Variants in PCDHA12 observed in about 807,000 individuals in gnomAD.
The protein encoded by PCDHA12 is protocadherin alpha 12, also known as protocadherin alpha-12.
In PCDHA12, 44 loss-of-function variants were observed where a neutral mutation model predicts 60.0. The ratio of observed to expected loss-of-function variants is 0.73; its 90% CI spans 0.58 to 0.94. The LOEUF (loss-of-function observed/expected upper bound fraction) is 0.94, where lower values mean the gene tolerates loss of function less well. Among genes scored for constraint, PCDHA12 ranks in the 40% least tolerant of loss-of-function variants. The pLI, the probability that PCDHA12 is intolerant of heterozygous loss-of-function variation, is 0.00. For missense variants in PCDHA12, 1,276 were observed against 1,239.7 expected (o/e 1.03, Z -0.44); for synonymous variants, 569 against 553.0 (o/e 1.03, Z -0.40).
At position 140,875,654 on chromosome 5, in the gene PCDHA12, C is replaced by G; in HGVS notation, c.182C>G (p.Pro61Arg). The G allele has an allele frequency of 1.2e-6, 2 of 1,613,702 alleles. No homozygotes were observed. Among genetic ancestry groups the G allele is most frequent in the Non-Finnish European group, 8.5e-7 (1 of 1,179,998 alleles). ...GGGCTGGAGCTGGCGGAGCTGGTGC[C>G]GCGCCTGTTCCGGGTGGCGTCCAAA... is the stretch of plus-strand genomic sequence containing the variant. ...DLGLELAELVPRLFRVASKRH... is the reference protein window; with the variant it reads ...DLGLELAELVRRLFRVASKRH... Residue 61 changes from proline to arginine, a missense_variant, in exon 1 of 4, where the codon CCG (proline) becomes CGG (arginine). Coordinates refer to ENST00000398631, the MANE Select transcript of PCDHA12 (RefSeq NM_018903.4).
At chr5:140,886,107 G>T (rs1340579685) in intron 1 of PCDHA12, among the ~76,000 whole-genome samples, 2 of 152,142 alleles carry the variant, frequency 1.3e-5, no homozygotes, top group Non-Finnish European at 2.9e-5. Flanking sequence ...ATACAGTAAA[G>T]AAGTAACATA....
At chr5:140,966,997 G>A in intron 1 of PCDHA12, 3 of 1,604,812 alleles carry the variant, frequency 1.9e-6, no homozygotes, top group Non-Finnish European at 2.5e-6. Flanking sequence ...CGGGTTGCTT[G>A]CGCATCAACC....
At chr5:140,899,269 A>C (rs1301807291) in intron 1 of PCDHA12, among the ~76,000 whole-genome samples, 2 of 152,260 alleles carry the variant, frequency 1.3e-5, no homozygotes, top group East Asian at 3.9e-4. Context: ...GTCTTGTGGC[A>C]GTTTTCAAAG....
At chr5:140,936,604 G>A (rs1186463181) in intron 1 of PCDHA12, among the ~76,000 whole-genome samples, 4 of 152,116 alleles carry the variant, frequency 2.6e-5, no homozygotes, top group South Asian at 2.1e-4. Context: ...TACTTTCCTC[G>A]CTGCTACTGT....
chr5:140,955,813 G>A (rs1428196745), intron 1 of PCDHA12, among the ~76,000 whole-genome samples: 1 of 152,096 alleles, frequency 6.6e-6, no homozygotes, highest in Non-Finnish European at 1.5e-5. Context: ...TGTGTCCACT[G>A]TGATTTCCTT....
At chr5:140,924,208 G>T (rs1197265860) in intron 1 of PCDHA12, among the ~76,000 whole-genome samples, 1 of 152,238 alleles carries the variant, frequency 6.6e-6, no homozygotes, top group Non-Finnish European at 1.5e-5. Flanking sequence ...GAAATTTGGT[G>T]AAGAATAAGT....
chr5:140,966,816 G>A lies in PCDHA12; in HGVS notation c.2368-12133G>A, dbSNP rs1448171487. On this transcript the variant is annotated intron_variant, in intron 1 of 3. Transcript: ENST00000398631. ...GCGGCGACAGAGCATCCACGGCTCC[G>A]GCGGCCCATGCCCTGGCTGCTGCTA... 5.2e-6 allele frequency: 8 copies of A among 1,553,302 alleles called. No homozygotes were observed. The East Asian group carries it at 7.2e-5, about 14-fold the overall frequency.
intron 1 of PCDHA12, chr5:140,883,560 G>C: frequency 6.2e-7 from 1 of 1,614,184 alleles, no homozygotes; most frequent in South Asian, 1.1e-5. Flanking sequence ...CGGGACGGGG[G>C]CTCGCCTTCG....
At chr5:140,890,830 A>G (rs903756043) in intron 1 of PCDHA12, among the ~76,000 whole-genome samples, 1 of 152,182 alleles carries the variant, frequency 6.6e-6, no homozygotes, top group Non-Finnish European at 1.5e-5. Context: ...GTACTTACAT[A>G]TTTACCAGTT....
chr5:140,878,253 G>A lies in PCDHA12; in HGVS notation c.2367+414G>A, dbSNP rs182369955. 2.6e-3 allele frequency among the ~76,000 whole-genome samples: 400 copies of A among 152,208 alleles called. 1 individual carries two copies. The highest frequency in any genetic ancestry group is 9.2e-3 in the African/African-American group (384 of 41,530). Reference sequence around the variant, plus strand: ...AATGGATTCTTTAACTCTTCCTCACGTGCTTAGGCTTTTAAAATAGCCTTC... The same window carrying A: ...AATGGATTCTTTAACTCTTCCTCACATGCTTAGGCTTTTAAAATAGCCTTC... On this transcript the variant is annotated intron_variant, in intron 1 of 3. Transcript: ENST00000398631.
At chr5:140,901,654 T>C (rs1274474554) in intron 1 of PCDHA12, among the ~76,000 whole-genome samples, 6 of 152,194 alleles carry the variant, frequency 3.9e-5, no homozygotes. Flanking sequence ...GTTTTGTTCT[T>C]TTTGCTCAAG....
intron 1 of PCDHA12, among the ~76,000 whole-genome samples, chr5:140,907,316 A>G (rs2073307783): frequency 6.6e-6 from 1 of 152,194 alleles, no homozygotes; most frequent in African/African-American, 2.4e-5. Flanking sequence ...GAACATGTAA[A>G]GACCAGTGAA....
chr5:140,964,252 T>G (rs569615423), intron 1 of PCDHA12, among the ~76,000 whole-genome samples: 6 of 152,332 alleles, frequency 3.9e-5, no homozygotes, highest in African/African-American at 1.2e-4. Flanking sequence ...GGCTTTATAT[T>G]TGACTCCTTA....
intron 1 of PCDHA12, chr5:140,884,429 C>G: frequency 6.2e-7 from 1 of 1,613,964 alleles, no homozygotes. Flanking sequence ...GTATACTGCG[C>G]TGCGGTGCTC....
At chr5:140,959,602 C>CTT (rs1554224184) in intron 1 of PCDHA12, among the ~76,000 whole-genome samples, 1 of 152,008 alleles carries the variant, frequency 6.6e-6, no homozygotes, top group African/African-American at 2.4e-5. Context: ...GTATAACATG[C>CTT]TTTTCTTGCT....
intron 1 of PCDHA12, among the ~76,000 whole-genome samples, chr5:140,953,746 A>G (rs2094931124): frequency 6.6e-6 from 1 of 152,016 alleles, no homozygotes; most frequent in African/African-American, 2.4e-5. Context: ...TTAACATTAC[A>G]TTTATCCAAG....
In PCDHA12 at chr5:140,877,150, G is replaced by T. The variant is rs370292278; in HGVS notation, c.1678G>T (p.Asp560Tyr). Residue 560 changes from aspartate (D) to tyrosine (Y), a missense_variant, in exon 1 of 4, where the codon GAC becomes TAC. By Grantham distance (160) the Asp-to-Tyr change is radical. Coordinates refer to ENST00000398631, the MANE Select transcript of PCDHA12 (RefSeq NM_018903.4). ...TLQVFVLDEN[D>Y]NAPALLATPA... Reference sequence around the variant, plus strand: ...GCAGGTGTTCGTGCTGGACGAGAACGACAACGCGCCGGCACTGCTGGCGAC... The same window carrying T: ...GCAGGTGTTCGTGCTGGACGAGAACTACAACGCGCCGGCACTGCTGGCGAC... 1.7e-5 allele frequency: 27 copies of T among 1,613,672 alleles called. No homozygotes were observed. Among genetic ancestry groups the T allele is most frequent in the Non-Finnish European group, 2.2e-5 (26 of 1,179,864 alleles).
intron 1 of PCDHA12, chr5:140,966,228 A>G: frequency 3.6e-6 from 1 of 275,386 alleles, no homozygotes; most frequent in Admixed American, 5.3e-5. Context: ...AATCTCCTTA[A>G]AGACCCGTTA....
At chr5:140,984,945 C>CA (rs1307962082) in intron 3 of PCDHA12, among the ~76,000 whole-genome samples, 2 of 149,212 alleles carry the variant, frequency 1.3e-5, no homozygotes, top group African/African-American at 4.9e-5. Flanking sequence ...AATGTCTAAT[C>CA]TTTTTTTTTT....
Sources: gnomAD v4.1 joint callset for allele counts (sites outside exome capture counted in the v4.1 genomes callset) on GRCh38, gnomAD v4.1.1 for gene constraint, MANE v1.5 for transcripts, NCBI Gene and HGNC (gene_info 2026-07-23, HGNC 2026-07-21) for gene names.